The following GPATCH2 variants were observed in gnomAD, a reference collection of about 807,000 sequenced individuals.
GPATCH2 encodes the protein G-patch domain containing 2.
In GPATCH2, 51 loss-of-function variants were observed where a neutral mutation model predicts 58.0. That is an observed-to-expected ratio of 0.88 (90% CI 0.70 to 1.11). GPATCH2 has a LOEUF of 1.11. Ranked by LOEUF, GPATCH2 falls within the 50% of genes most tolerant of loss-of-function variation. The pLI is 0.00. For missense variants in GPATCH2, 625 were observed against 652.2 expected (o/e 0.96, Z 0.45); for synonymous variants, 222 against 218.5 (o/e 1.02, Z -0.14).
chr1:217,453,077 T>C (rs1005380652), intron 8 of GPATCH2, among the ~76,000 whole-genome samples: 1 of 152,238 alleles, frequency 6.6e-6, no homozygotes, highest in Non-Finnish European at 1.5e-5. Flanking sequence ...ATAGCAGTTA[T>C]TTTTTAATTT....
intron 9 of GPATCH2, among the ~76,000 whole-genome samples, chr1:217,444,932 G>A (rs961456763): frequency 6.6e-6 from 1 of 152,094 alleles, no homozygotes; most frequent in Non-Finnish European, 1.5e-5. Flanking sequence ...AATTGCAAAT[G>A]AGCCTTTAAA....
intron 5 of GPATCH2, among the ~76,000 whole-genome samples, chr1:217,548,716 C>A (rs1665199128): frequency 1.3e-5 from 2 of 152,096 alleles, no homozygotes; most frequent in South Asian, 4.1e-4. Context: ...TTCCTCCATA[C>A]TGTTCTCATG....
chr1:217,469,725 T>C (rs1231814848), intron 8 of GPATCH2, among the ~76,000 whole-genome samples: 1 of 152,120 alleles, frequency 6.6e-6, no homozygotes, highest in Non-Finnish European at 1.5e-5. Context: ...ATAATTCTTG[T>C]TATATTATGA....
chr1:217,547,667 A>T (rs1665132036), intron 5 of GPATCH2, among the ~76,000 whole-genome samples: 1 of 152,328 alleles, frequency 6.6e-6, no homozygotes, highest in East Asian at 1.9e-4. Flanking sequence ...GCACACAGAC[A>T]CCATGGAATA....
At chr1:217,542,826 T>C (rs1382662947) in intron 5 of GPATCH2, among the ~76,000 whole-genome samples, 2 of 152,204 alleles carry the variant, frequency 1.3e-5, no homozygotes, top group Non-Finnish European at 2.9e-5. Flanking sequence ...ACAAGATATT[T>C]TCTTCCACAG....
intron 3 of GPATCH2, among the ~76,000 whole-genome samples, chr1:217,611,982 C>A (rs931795916): frequency 6.6e-6 from 1 of 151,942 alleles, no homozygotes; most frequent in Non-Finnish European, 1.5e-5. Context: ...GAGTTCCAGA[C>A]CAACCTGGGC....
intron 5 of GPATCH2, among the ~76,000 whole-genome samples, chr1:217,523,232 G>T (rs1249730161): frequency 1.3e-5 from 2 of 151,308 alleles, no homozygotes. Context: ...GGGGGATTTG[G>T]CAGGGTCACA....
chr1:217,515,965 C>G (rs528236598), intron 5 of GPATCH2, among the ~76,000 whole-genome samples: 1 of 151,828 alleles, frequency 6.6e-6, no homozygotes, highest in Admixed American at 6.6e-5. Flanking sequence ...ATAGTTTCCC[C>G]GAAAAGACAG....
At chr1:217,560,704 T>C (rs1665886725) in intron 5 of GPATCH2, among the ~76,000 whole-genome samples, 1 of 152,202 alleles carries the variant, frequency 6.6e-6, no homozygotes, top group African/African-American at 2.4e-5. Flanking sequence ...GCCAGGTTAA[T>C]TCTTTGCTGT....
intron 8 of GPATCH2, among the ~76,000 whole-genome samples, chr1:217,490,349 T>A (rs997857311): frequency 1.3e-5 from 2 of 152,204 alleles, no homozygotes; most frequent in Admixed American, 6.5e-5. Flanking sequence ...GATTTCGTTT[T>A]ATTTATCGTG....
Position 217,564,045 on chromosome 1 carries a change from GAAAAAAAAAAAAAA to G in GPATCH2, c.1098+46262_1098+46275del, listed in dbSNP as rs59348467. 1.0e-4 allele frequency among the ~76,000 whole-genome samples: 6 copies of G among 58,218 alleles called. No individual in the cohort carries two copies. In the Admixed American group the frequency reaches 1.2e-3, roughly 12 times the overall value. 38.2% of individuals were successfully genotyped at this position (58,218 alleles called of 152,430 possible). A position where few individuals can be genotyped will look rare whatever the true frequency, so the allele number is the denominator to read the frequency against. The stretch of plus-strand genomic sequence containing the variant: ...CGCAACAACAGCAAAACTCCGTCTC[GAAAAAAAAAAAAAA>G]AAAAAAAAAAAAGAAGTATGTATAA... On this transcript the variant is annotated intron_variant, in intron 5 of 9. Transcript: ENST00000366935.
At chr1:217,617,456 CAG>C (rs559521363) in intron 2 of GPATCH2, among the ~76,000 whole-genome samples, 70 of 152,258 alleles carry the variant, frequency 4.6e-4, no homozygotes, top group Non-Finnish European at 8.1e-4. Context: ...CTGTTGAGAA[CAG>C]AGTCTCCATT....
chr1:217,610,486 A>G (rs1488159868), intron 4 of GPATCH2, 86 bp from the exon 5 acceptor site: 11 of 808,506 alleles, frequency 1.4e-5, no homozygotes, highest in Non-Finnish European at 2.3e-5. Flanking sequence ...TAGAGAAAGA[A>G]AAGTAAGTTG....
At chr1:217,492,501 A>C (rs1304482757) in intron 7 of GPATCH2, 1 of 152,158 alleles carries the variant, frequency 6.6e-6, no homozygotes, top group Admixed American at 6.5e-5. Context: ...GCTAAAACGA[A>C]GTTGTACAGA....
intron 5 of GPATCH2, among the ~76,000 whole-genome samples, chr1:217,571,703 CAAAAA>C (rs11463536): frequency 1.4e-5 from 1 of 73,812 alleles, no homozygotes; most frequent in South Asian, 6.4e-4. Flanking sequence ...AAAACGAAAC[CAAAAA>C]AAAAAAAAAA....
chr1:217,466,960 G>A (rs2102495937), intron 8 of GPATCH2, among the ~76,000 whole-genome samples: 1 of 152,308 alleles, frequency 6.6e-6, no homozygotes, highest in African/African-American at 2.4e-5. Flanking sequence ...ATTGCCTGAG[G>A]TCAGGAGTTT....
intron 5 of GPATCH2, among the ~76,000 whole-genome samples, chr1:217,553,182 G>C (rs1665445905): frequency 2.0e-5 from 3 of 152,044 alleles, no homozygotes; most frequent in African/African-American, 7.2e-5. Context: ...CTAAGGGGTT[G>C]CTTAGTTTAT....
intron 8 of GPATCH2, among the ~76,000 whole-genome samples, chr1:217,450,657 T>C (rs144093591): frequency 0.016 from 2,469 of 152,208 alleles, 77 homozygotes; most frequent in African/African-American, 0.056. Context: ...ATAATTATAA[T>C]TATTAAAATA....
intron 5 of GPATCH2, among the ~76,000 whole-genome samples, chr1:217,592,106 A>G (rs545069687): frequency 6.6e-6 from 1 of 152,130 alleles, no homozygotes; most frequent in Non-Finnish European, 1.5e-5. Flanking sequence ...TAGAAAATGT[A>G]TCTTTTCCTT....
Sources: allele counts gnomAD v4.1 joint callset (sites outside exome capture counted in the v4.1 genomes callset), GRCh38; gene constraint gnomAD v4.1.1; transcripts MANE v1.5; gene names NCBI Gene and HGNC (gene_info 2026-07-23, HGNC 2026-07-21).